Variants in WBP4 observed in about 807,000 individuals in gnomAD.
WBP4 encodes the protein WW domain binding protein 4, also known as WW domain-binding protein 4.
In WBP4, 37 loss-of-function variants were observed where a neutral mutation model predicts 55.4. The ratio of observed to expected loss-of-function variants is 0.67; its 90% confidence interval spans 0.51 to 0.88. The LOEUF is 0.88. WBP4 is among the 40% of genes least tolerant of loss of function. The probability of loss-of-function intolerance (pLI) is 0.00; values close to 1 mark genes in which losing one functional copy is unlikely to be tolerated. For synonymous variants in WBP4, 142 were observed against 140.2 expected, an observed-to-expected ratio of 1.01 and a Z score of -0.09; for missense variants, 398 against 420.8, an observed-to-expected ratio of 0.95 and a Z score of 0.47.
intron 8 of WBP4, among the ~76,000 whole-genome samples, chr13:41,079,303 G>T: frequency 6.6e-6 from 1 of 152,082 alleles, no homozygotes; most frequent in East Asian, 1.9e-4. Flanking sequence ...GGATGCAGTG[G>T]CTCACACCTG....
intron 1 of WBP4, 123 bp downstream of exon 1, chr13:41,061,798 C>G: frequency 2.7e-6 from 4 of 1,501,904 alleles, no homozygotes; most frequent in Non-Finnish European, 3.6e-6. Flanking sequence ...GCGTTCTTAA[C>G]TCGCTCGGGA....
At chr13:41,067,340 T>A (rs956740043) in intron 4 of WBP4, among the ~76,000 whole-genome samples, 3 of 152,234 alleles carry the variant, frequency 2.0e-5, no homozygotes, top group African/African-American at 7.2e-5. Context: ...TACTTATTGA[T>A]CTTCTGCAAA....
chr13:41,079,103 A>T (rs1031703370), intron 8 of WBP4, among the ~76,000 whole-genome samples: 52 of 152,196 alleles, frequency 3.4e-4, no homozygotes, highest in African/African-American at 1.2e-3. Context: ...GGACTCAACA[A>T]GAAAAAAACA....
At chr13:41,064,816 CAG>C (rs1048813976) in intron 2 of WBP4, among the ~76,000 whole-genome samples, 198 bp from the exon 3 acceptor site, 3 of 152,062 alleles carry the variant, frequency 2.0e-5, no homozygotes, top group Admixed American at 1.3e-4. Context: ...GAAACCTAGT[CAG>C]AGGACATAAT....
intron 9 of WBP4, 23 bp from the exon 10 acceptor site, chr13:41,082,680 GT>G (rs776971040): frequency 7.3e-5 from 117 of 1,611,104 alleles, no homozygotes; most frequent in Non-Finnish European, 9.5e-5. Flanking sequence ...GTCAAATAGA[GT>G]TTTACTTTAA....
In WBP4 at chr13:41,080,793, CAA is replaced by C. The variant is rs760632779; in HGVS notation, c.905_906del (p.Gln302ArgfsTer3). 1.2e-6 allele frequency: 2 copies of C among 1,606,556 alleles called. No individual in the cohort carries two copies. The highest frequency in any genetic ancestry group is 1.7e-5 in the Admixed American group (1 of 57,602). On this transcript the variant is annotated frameshift_variant, in exon 9 of 10. Transcript: ENST00000379487. LOFTEE classifies it high-confidence loss of function. ...ATATGGAGAATGGCAAGAAATTAAA[CAA>C]GAGGTTGAGTCTCAGTAAGTACCTG... The part of the protein sequence containing the change: ...NPYGEWQEIK[Q>X]EVESHEEVDL...
chr13:41,075,837 A>G (rs752227189), intron 7 of WBP4, among the ~76,000 whole-genome samples: 6 of 152,126 alleles, frequency 3.9e-5, no homozygotes, highest in Admixed American at 2.0e-4. Context: ...TAGTTTACAC[A>G]TCTAGTAAAT....
chr13:41,064,972 GT>G lies in WBP4; in HGVS notation c.76-41del, dbSNP rs1252820754. 4 of 1,484,306 alleles carry G rather than the reference GT, an allele frequency of 2.7e-6. No homozygotes were observed. In the South Asian group the frequency reaches 4.0e-5, roughly 15 times the overall value. 91.9% of individuals were successfully genotyped at this position (1,484,306 alleles called of 1,614,324 possible). ...TTATGTTTACTATGAATTTTATGATGTTTATGTAGTTTTCTTTTGTTATTTT... is the reference window on the plus strand; with the variant it reads ...TTATGTTTACTATGAATTTTATGATGTTATGTAGTTTTCTTTTGTTATTTT... On this transcript the variant is annotated intron_variant, in intron 2 of 9. Transcript: ENST00000379487.
Position 41,080,744 on chromosome 13 carries a change from G to T in WBP4, c.855G>T (p.Ser285=), listed in dbSNP as rs541816023. Residue 285 remains serine (S), a synonymous_variant, in exon 9 of 10, where the codon TCG becomes TCT. Coordinates refer to ENST00000379487, the MANE Select transcript of WBP4 (RefSeq NM_007187.5). ...QNSLGSNEEK[S]KTLKKSNPYG... ...CATTAGGTTCAAATGAAGAAAAATC[G>T]AAAACTCTTAAGAAATCAAACCCAT... is the stretch of plus-strand genomic sequence containing the variant. 2.5e-6 allele frequency: 4 copies of T among 1,606,194 alleles called. No individual in the cohort carries two copies. Among genetic ancestry groups the T allele is most frequent in the African/African-American group, 2.7e-5 (2 of 74,264 alleles).
chr13:41,065,166 T>A lies in WBP4; in HGVS notation c.141T>A (p.Ile47=). Residue 47 remains isoleucine (I), a splice_region_variant and synonymous_variant, in exon 4 of 10, where the codon ATT becomes ATA. Coordinates refer to ENST00000379487, the MANE Select transcript of WBP4 (RefSeq NM_007187.5). The part of the protein sequence containing the change: ...KENVAKRISE[I]KQKSLDKAKE... ...ACTGTTATGTATGTCTTACATAGAT[T>A]AAACAGAAAAGCCTGGATAAGGCAA... 4 of 1,609,836 alleles carry A rather than the reference T, an allele frequency of 2.5e-6. No homozygotes were observed. Among genetic ancestry groups the A allele is most frequent in the Non-Finnish European group, 3.4e-6 (4 of 1,178,878 alleles).
At chr13:41,065,583 T>C (rs1877937994) in intron 4 of WBP4, among the ~76,000 whole-genome samples, 1 of 152,178 alleles carries the variant, frequency 6.6e-6, no homozygotes, top group Non-Finnish European at 1.5e-5. Context: ...CTTTGAGTTT[T>C]TTAGGTATTC....
chr13:41,077,996 TACAC>T (rs1276349966), intron 8 of WBP4, among the ~76,000 whole-genome samples: 4 of 152,124 alleles, frequency 2.6e-5, no homozygotes, highest in Non-Finnish European at 4.4e-5. Flanking sequence ...TCATAGATGA[TACAC>T]ACAAATGAAA....
At chr13:41,074,792 C>T (rs527816223) in intron 7 of WBP4, among the ~76,000 whole-genome samples, 12 of 152,114 alleles carry the variant, frequency 7.9e-5, no homozygotes, top group East Asian at 7.7e-4. Context: ...GTCAGGAGCT[C>T]GTGACCAGCC....
chr13:41,069,983 T>C (rs1028104548), intron 5 of WBP4, among the ~76,000 whole-genome samples: 1 of 152,326 alleles, frequency 6.6e-6, no homozygotes, highest in African/African-American at 2.4e-5. Context: ...TTTGGGGTTT[T>C]TACTCCGTAT....
intron 1 of WBP4, among the ~76,000 whole-genome samples, 186 bp downstream of exon 1, chr13:41,061,861 C>G (rs1242197644): frequency 1.3e-5 from 2 of 152,222 alleles, no homozygotes; most frequent in African/African-American, 4.8e-5. Flanking sequence ...AATGTTACCC[C>G]GCTGAACGCC....
intron 2 of WBP4, among the ~76,000 whole-genome samples, chr13:41,063,390 A>G (rs1480793928): frequency 2.6e-5 from 4 of 152,208 alleles, no homozygotes; most frequent in African/African-American, 7.2e-5. Flanking sequence ...TGCACAAAGA[A>G]TAGTAGTCTC....
chr13:41,071,294 A>G (rs1878234619), intron 5 of WBP4, among the ~76,000 whole-genome samples: 1 of 152,208 alleles, frequency 6.6e-6, no homozygotes, highest in Admixed American at 6.5e-5. Flanking sequence ...ATTCCTGTGG[A>G]AGTTCCAGTA....
At chr13:41,072,731 A>G in intron 6 of WBP4, 51 bp from the exon 7 acceptor site, 7 of 1,548,964 alleles carry the variant, frequency 4.5e-6, no homozygotes, top group Non-Finnish European at 6.2e-6. Flanking sequence ...GTTATTCAAT[A>G]GAAAATCATG....
At chr13:41,061,821 C>A (rs990215737) in intron 1 of WBP4, 146 bp downstream of exon 1, 2 of 1,354,746 alleles carry the variant, frequency 1.5e-6, no homozygotes, top group African/African-American at 1.4e-5. Flanking sequence ...GGCCCCAGAC[C>A]TGCAGGGCCG....
Sources: gnomAD v4.1 joint callset for allele counts (sites outside exome capture counted in the v4.1 genomes callset) on GRCh38, gnomAD v4.1.1 for gene constraint, MANE v1.5 for transcripts, NCBI Gene and HGNC (gene_info 2026-07-23, HGNC 2026-07-21) for gene names.